The following SP100 variants were observed in gnomAD, a reference collection of about 807,000 sequenced individuals.
SP100 encodes the protein nuclear autoantigen Sp-100.
In SP100, 84 loss-of-function variants were observed where a neutral mutation model predicts 130.0. The observed-to-expected ratio is 0.65, with a 90% confidence interval of 0.54 to 0.77. The LOEUF is 0.77. Ranked by LOEUF, SP100 falls within the 30% of genes least tolerant of loss-of-function variation. The pLI, the probability that SP100 is intolerant of heterozygous loss-of-function variation, is 0.00. For synonymous variants in SP100, 331 were observed against 351.7 expected (o/e 0.94, Z 0.66); for missense variants, 978 against 1,052.2 (o/e 0.93, Z 0.97).
chr2:230,464,580 A>G (rs1170707509), intron 11 of SP100, among the ~76,000 whole-genome samples: 1 of 151,972 alleles, frequency 6.6e-6, no homozygotes, highest in East Asian at 1.9e-4. Flanking sequence ...TCTTCAAAGA[A>G]TACTTTGTGC....
At chr2:230,486,831 C>T (rs2066126608) in intron 17 of SP100, among the ~76,000 whole-genome samples, 1 of 152,102 alleles carries the variant, frequency 6.6e-6, no homozygotes, top group African/African-American at 2.4e-5. Flanking sequence ...ACAGCCTCAC[C>T]AGCATCTGTT....
At chr2:230,455,538 CA>C (rs1399050436) in intron 8 of SP100, among the ~76,000 whole-genome samples, 15 of 152,124 alleles carry the variant, frequency 9.9e-5, no homozygotes, top group African/African-American at 3.6e-4. Context: ...TCTTGCAAGC[CA>C]CATATACTTG....
rs191049859 is a variant in SP100 at position 230,431,940 on chromosome 2, G to T, written c.108-10997G>T. The stretch of plus-strand genomic sequence containing the variant: ...TCCTGTTTTAAGTGTGTATCTCAAT[G>T]ATTTTTAACAGAATTACAGAGTTGT... On this transcript the variant is annotated intron_variant, in intron 2 of 28. Coordinates refer to ENST00000340126, the MANE Select transcript of SP100 (RefSeq NM_001080391.2). Among the ~76,000 whole-genome samples the T allele has an allele frequency of 1.1e-4, 17 of 152,196 alleles. No homozygotes were observed. In the Middle Eastern group the frequency reaches 0.01, roughly 91 times the overall value.
chr2:230,498,562 T>A, intron 19 of SP100, 27 bp downstream of exon 19: 8 of 1,227,412 alleles, frequency 6.5e-6, no homozygotes, highest in Non-Finnish European at 6.6e-6. Context: ...ACATTTTAAA[T>A]AAATAACGTC....
At chr2:230,509,033 G>A (rs1270761984) in intron 23 of SP100, 5 of 152,404 alleles carry the variant, frequency 3.3e-5, no homozygotes, top group Non-Finnish European at 5.9e-5. Flanking sequence ...TGCCCTGTGA[G>A]GCTGCTGACC....
At chr2:230,515,768 GT>G (rs1482311250) in intron 24 of SP100, 4 of 1,496,982 alleles carry the variant, frequency 2.7e-6, no homozygotes, top group Non-Finnish European at 3.5e-6. Flanking sequence ...CGTACACTGT[GT>G]TTTTTTGTAT....
At chr2:230,520,223 C>T (rs981952333) in intron 24 of SP100, among the ~76,000 whole-genome samples, 4 of 152,144 alleles carry the variant, frequency 2.6e-5, no homozygotes, top group African/African-American at 9.7e-5. Flanking sequence ...TGAGACTGCT[C>T]CATGTTGCTG....
chr2:230,499,920 T>C (rs986104117), intron 19 of SP100, among the ~76,000 whole-genome samples: 1 of 152,134 alleles, frequency 6.6e-6, no homozygotes, highest in Non-Finnish European at 1.5e-5. Flanking sequence ...TCATAAGGCC[T>C]GGAGGTGGGG....
intron 17 of SP100, among the ~76,000 whole-genome samples, chr2:230,475,581 C>T (rs2065499159): frequency 6.6e-6 from 1 of 152,076 alleles, no homozygotes; most frequent in Non-Finnish European, 1.5e-5. Flanking sequence ...GTTGCAATTG[C>T]TTTTGGAGAC....
chr2:230,463,993 T>A (rs1274249771), intron 10 of SP100, 74 bp from the exon 11 acceptor site: 1 of 997,330 alleles, frequency 1.0e-6, no homozygotes, highest in Non-Finnish European at 1.6e-6. Flanking sequence ...GGTTTTCTTA[T>A]TAGGGAATTT....
intron 2 of SP100, among the ~76,000 whole-genome samples, chr2:230,422,291 T>C (rs1240461023): frequency 2.0e-5 from 3 of 152,218 alleles, no homozygotes; most frequent in Non-Finnish European, 2.9e-5. Flanking sequence ...CCAGGTTTCT[T>C]TCCCAGCTCC....
At chr2:230,509,027 C>T (rs777990930) in intron 23 of SP100, 3 of 152,362 alleles carry the variant, frequency 2.0e-5, no homozygotes, top group Non-Finnish European at 4.4e-5. Flanking sequence ...GCAGAGTGCC[C>T]TGTGAGGCTG....
chr2:230,520,475 A>G (rs1223718885), intron 24 of SP100: 1 of 152,176 alleles, frequency 6.6e-6, no homozygotes, highest in Non-Finnish European at 1.5e-5. Context: ...AGCTTCAAAA[A>G]ACCAGAACTT....
chr2:230,508,106 C>T, intron 23 of SP100, 75 bp downstream of exon 23: 1 of 1,569,490 alleles, frequency 6.4e-7, no homozygotes, highest in South Asian at 1.2e-5. Flanking sequence ...GACTTACAGT[C>T]TTTAAATTGA....
rs1360288584 is a variant in SP100, at chr2:230,469,112, A to C, written c.1345+16A>C. On this transcript the variant is annotated intron_variant, in intron 14 of 28. Coordinates refer to ENST00000340126, the MANE Select transcript of SP100 (RefSeq NM_001080391.2). ...AGGAAGAGACGTAAGAGCAATTAAA[A>C]ACTCTTGATGTAACAAATGTCTTTA... 3.3e-6 allele frequency: 5 copies of C among 1,520,620 alleles called. No individual in the cohort carries two copies. The African/African-American group carries it at 6.8e-5, about 21-fold the overall frequency. 94.2% of individuals were successfully genotyped at this position (1,520,620 alleles called of 1,614,324 possible). A position where few individuals can be genotyped will look rare whatever the true frequency, so the allele number is the denominator to read the frequency against.
chr2:230,449,675 C>A lies in SP100; in HGVS notation c.701C>A (p.Thr234Lys), dbSNP rs577953941. 131 of 1,614,026 alleles carry A rather than the reference C, an allele frequency of 8.1e-5. No homozygotes were observed. The highest frequency in any genetic ancestry group is 1.1e-4 in the Non-Finnish European group (128 of 1,180,032). Residue 234 changes from threonine to lysine, a missense_variant, in exon 7 of 29, where the codon ACA (threonine) becomes AAA (lysine). Transcript: ENST00000340126. Reference sequence around the variant, plus strand: ...GATGATTCGCTAGGAAGCCAACAAACAAATGAACAATGTGCTCAAAAGGCT... The same window carrying A: ...GATGATTCGCTAGGAAGCCAACAAAAAAATGAACAATGTGCTCAAAAGGCT... Reference protein sequence around the residue: ...DKDDSLGSQQTNEQCAQKAEP... With the variant: ...DKDDSLGSQQKNEQCAQKAEP...
Position 230,449,589 on chromosome 2 carries a change from A to G in SP100, c.615A>G (p.Ser205=), listed in dbSNP as rs201557232. The stretch of plus-strand genomic sequence containing the variant: ...CAACCCCACCTGAAAATGGACTCTC[A>G]GAGCACCCCTGTGAAACAGAACAGA... The part of the protein sequence containing the change: ...AGTTPPENGL[S]EHPCETEQIN... The change falls in exon 7 of 29, where the codon TCA becomes TCG. Residue 205 remains serine, a synonymous_variant. Transcript: ENST00000340126. 6.2e-7 allele frequency: 1 copy of G among 1,614,158 alleles called. No homozygotes were observed. The highest frequency in any genetic ancestry group is 8.5e-7 in the Non-Finnish European group (1 of 1,180,008).
intron 24 of SP100, among the ~76,000 whole-genome samples, chr2:230,522,584 G>C (rs1418513015): frequency 6.9e-6 from 1 of 144,640 alleles, no homozygotes; most frequent in African/African-American, 2.6e-5. Flanking sequence ...TGCCTCCTGG[G>C]TTCAAGCGAT....
intron 8 of SP100, among the ~76,000 whole-genome samples, chr2:230,455,675 G>A (rs1284245082): frequency 6.6e-6 from 1 of 151,994 alleles, no homozygotes; most frequent in Non-Finnish European, 1.5e-5. Context: ...TTGTTTTCTG[G>A]TTGTCTGTAG....
Sources: allele counts gnomAD v4.1 joint callset (sites outside exome capture counted in the v4.1 genomes callset), GRCh38; gene constraint gnomAD v4.1.1; transcripts MANE v1.5; gene names NCBI Gene and HGNC (gene_info 2026-07-23, HGNC 2026-07-21).